PCNX1: variants seen among roughly 807,000 people sequenced by gnomAD.
PCNX1 encodes the protein pecanex-like protein 1.
In PCNX1, 78 loss-of-function variants were observed where a neutral mutation model predicts 242.2. The observed-to-expected ratio is 0.32, with a 90% CI of 0.27 to 0.39. PCNX1 has a LOEUF of 0.39. Among genes scored for constraint, PCNX1 ranks in the 10% least tolerant of loss-of-function variants. The pLI, the probability that PCNX1 is intolerant of heterozygous loss-of-function variation, is 1.00. For synonymous variants in PCNX1, 1,024 were observed against 1,032.9 expected, an observed-to-expected ratio of 0.99 and a Z score of 0.17; for missense variants, 2,581 against 2,856.5, an observed-to-expected ratio of 0.90 and a Z score of 2.20.
At chr14:70,987,091 A>C (rs2059022206) in intron 6 of PCNX1, among the ~76,000 whole-genome samples, 1 of 152,150 alleles carries the variant, frequency 6.6e-6, no homozygotes, top group Non-Finnish European at 1.5e-5. Context: ...GCCCTTCCCT[A>C]ATACATGTTT....
chr14:70,977,805 G>A lies in PCNX1; in HGVS notation c.1468G>A (p.Ala490Thr). 3 of 1,614,100 alleles carry A rather than the reference G, an allele frequency of 1.9e-6. No homozygotes were observed. The highest frequency in any genetic ancestry group is 1.3e-5 in the African/African-American group (1 of 75,012). The change falls in exon 6 of 36, where the codon GCC (alanine) becomes ACC (threonine). Residue 490 changes from alanine (A) to threonine (T), a missense_variant. By Grantham distance (58) the Ala-to-Thr change is moderately conservative. Transcript: ENST00000304743. ...RGLSTSASEE[A>T]NKNPHANEFT... ...TCTCAGCACCTCTGCATCTGAAGAA[G>A]CCAATAAAAATCCCCATGCAAATGA... is the stretch of plus-strand genomic sequence containing the variant.
intron 8 of PCNX1, among the ~76,000 whole-genome samples, chr14:70,997,000 T>C (rs1353271379): frequency 1.3e-5 from 2 of 152,150 alleles, no homozygotes; most frequent in South Asian, 2.1e-4. Flanking sequence ...ATCTAAGATA[T>C]TTATAACATT....
chr14:71,101,486 G>T (rs1415009276), intron 30 of PCNX1, among the ~76,000 whole-genome samples: 2 of 152,126 alleles, frequency 1.3e-5, no homozygotes, highest in Non-Finnish European at 2.9e-5. Flanking sequence ...CCCCAAATCT[G>T]TGCTCAGAGC....
chr14:71,101,148 G>A (rs1489132413), intron 30 of PCNX1, among the ~76,000 whole-genome samples: 1 of 152,084 alleles, frequency 6.6e-6, no homozygotes, highest in African/African-American at 2.4e-5. Context: ...CAGTTGACTT[G>A]AGTGCAAATG....
intron 2 of PCNX1, among the ~76,000 whole-genome samples, chr14:70,947,739 G>A (rs958872499): frequency 6.6e-5 from 10 of 152,200 alleles, no homozygotes; most frequent in Non-Finnish European, 8.8e-5. Context: ...GGATAACAGC[G>A]ATTTTCAGGG....
Position 70,978,383 on chromosome 14 carries a change from T to C in PCNX1, c.2046T>C (p.Asn682=), listed in dbSNP as rs377754570. Residue 682 remains asparagine, a synonymous_variant, in exon 6 of 36, where the codon AAT becomes AAC. Coordinates refer to ENST00000304743, the MANE Select transcript of PCNX1 (RefSeq NM_014982.3). The part of the protein sequence containing the change: ...KRATRRTSST[N]SAKTRARVLS... The stretch of plus-strand genomic sequence containing the variant: ...CAACACGACGGACTTCTAGCACAAA[T>C]AGTGCCAAGACTCGTGCCCGAGTGT... The C allele has an allele frequency of 2.5e-6, 4 of 1,614,072 alleles. No individual in the cohort carries two copies. The highest frequency in any genetic ancestry group is 3.4e-6 in the Non-Finnish European group (4 of 1,180,034).
At chr14:71,041,909 T>A (rs907662254) in intron 19 of PCNX1, among the ~76,000 whole-genome samples, 3 of 152,196 alleles carry the variant, frequency 2.0e-5, no homozygotes, top group African/African-American at 7.2e-5. Context: ...ATTTTTAAAT[T>A]TTATTTTCAG....
In PCNX1 at chr14:71,037,651, G is replaced by T. The variant is rs1459793581; in HGVS notation, c.3867+1494G>T. 2.6e-5 allele frequency among the ~76,000 whole-genome samples: 4 copies of T among 151,556 alleles called. No individual in the cohort carries two copies. In the East Asian group the frequency reaches 7.8e-4, roughly 29 times the overall value. ...CCAGGGATGAAGCCCACTTGATCAT[G>T]GTGGATAAGCTTTTTGATGTGCTGC... is the stretch of plus-strand genomic sequence containing the variant. On this transcript the variant is annotated intron_variant, in intron 19 of 35. Coordinates refer to ENST00000304743, the MANE Select transcript of PCNX1 (RefSeq NM_014982.3).
chr14:71,020,149 A>G (rs2060061722), intron 12 of PCNX1, among the ~76,000 whole-genome samples: 2 of 152,136 alleles, frequency 1.3e-5, no homozygotes, highest in East Asian at 1.9e-4. Context: ...TCCATGTTGT[A>G]TATGTGCCAC....
intron 15 of PCNX1, among the ~76,000 whole-genome samples, chr14:71,027,573 G>A (rs919270554): frequency 5.3e-5 from 8 of 151,706 alleles, no homozygotes; most frequent in African/African-American, 1.9e-4. Context: ...GAAAATGAAA[G>A]GGAAAGAAAT....
In PCNX1 at chr14:70,916,839, C is replaced by T. The variant is rs752167350; in HGVS notation, c.153+8836C>T. 3.9e-5 allele frequency among the ~76,000 whole-genome samples: 6 copies of T among 152,116 alleles called. No individual in the cohort carries two copies. The South Asian group carries it at 6.2e-4, about 16-fold the overall frequency. On this transcript the variant is annotated intron_variant, in intron 1 of 35. Coordinates refer to ENST00000304743, the MANE Select transcript of PCNX1 (RefSeq NM_014982.3). The stretch of plus-strand genomic sequence containing the variant: ...TCTTTTCATGAAAGATTTATCTGTA[C>T]GTGTAATGCTGCTTGATAGCGTTTT...
At chr14:70,970,742 A>G (rs542428127) in intron 5 of PCNX1, among the ~76,000 whole-genome samples, 3 of 152,282 alleles carry the variant, frequency 2.0e-5, no homozygotes, top group African/African-American at 7.2e-5. Context: ...CTACTCAGCT[A>G]CTCAACTCTG....
intron 1 of PCNX1, 35 bp downstream of exon 1, chr14:70,908,038 C>T: frequency 6.6e-7 from 1 of 1,525,788 alleles, no homozygotes. Context: ...TGGCTCCTTC[C>T]CCGCGAGCCG....
chr14:70,995,737 C>G lies in PCNX1; in HGVS notation c.2445-4C>G, dbSNP rs1315645351. ...ATGTCTCCCCAATCCATGTTTTTTC[C>G]TAGCCTTCAAGATGGTCAGCAAGGC... On this transcript the variant is annotated splice_polypyrimidine_tract_variant and splice_region_variant and intron_variant, in intron 7 of 35. Transcript: ENST00000304743. 1.2e-6 allele frequency: 2 copies of G among 1,612,776 alleles called. No homozygotes were observed. Among genetic ancestry groups the G allele is most frequent in the Non-Finnish European group, 1.7e-6 (2 of 1,179,260 alleles).
At chr14:71,071,057 C>CAGA in intron 26 of PCNX1, among the ~76,000 whole-genome samples, 1 of 152,340 alleles carries the variant, frequency 6.6e-6, no homozygotes, top group Middle Eastern at 3.4e-3. Context: ...ATGAAGACAG[C>CAGA]TTCTTTCCTT....
rs1191015636 is a variant in PCNX1, at chr14:71,006,125, G to C, written c.2630-3509G>C. On this transcript the variant is annotated intron_variant, in intron 8 of 35. Coordinates refer to ENST00000304743, the MANE Select transcript of PCNX1 (RefSeq NM_014982.3). ...TGTCTGTGTGTGTGTGTGTGTGTGT[G>C]TGTGTGTGTGTGTGTGTGTGTGTGT... Among the ~76,000 whole-genome samples the C allele has an allele frequency of 4.2e-3, 410 of 98,434 alleles. 1 individual carries two copies. The highest frequency in any genetic ancestry group is 0.02 in the African/African-American group (378 of 19,342). 64.6% of individuals were successfully genotyped at this position (98,434 alleles called of 152,430 possible).
At chr14:71,032,080 A>G in intron 16 of PCNX1, 1 of 635,182 alleles carries the variant, frequency 1.6e-6, no homozygotes, top group Non-Finnish European at 2.8e-6. Context: ...GAGAGAGAGA[A>G]AGTTTCCTCA....
intron 1 of PCNX1, among the ~76,000 whole-genome samples, chr14:70,927,876 C>T (rs1239389790): frequency 6.6e-6 from 1 of 152,162 alleles, no homozygotes; most frequent in African/African-American, 2.4e-5. Flanking sequence ...GTGTGAGCCA[C>T]TGCGCCAGGC....
At chr14:70,966,122 G>A (rs2058370985) in intron 3 of PCNX1, among the ~76,000 whole-genome samples, 1 of 152,060 alleles carries the variant, frequency 6.6e-6, no homozygotes, top group African/African-American at 2.4e-5. Flanking sequence ...ATATACTATA[G>A]TTTATATTCT....
Sources: gnomAD v4.1 joint callset for allele counts (sites outside exome capture counted in the v4.1 genomes callset) on GRCh38, gnomAD v4.1.1 for gene constraint, MANE v1.5 for transcripts, NCBI Gene and HGNC (gene_info 2026-07-23, HGNC 2026-07-21) for gene names.